The following RSU1 variants were observed in gnomAD, a reference collection of about 807,000 sequenced individuals.
RSU1 encodes Ras suppressor protein 1.
RSU1 carries 26 observed loss-of-function variants against 31.1 expected under a neutral mutation model. That is an observed-to-expected ratio of 0.84 (90% CI 0.61 to 1.16). The LOEUF (loss-of-function observed/expected upper bound fraction) is 1.16, where lower values mean the gene tolerates loss of function less well. Ranked by LOEUF, RSU1 falls within the 50% of genes most tolerant of loss-of-function variation. The pLI, the probability that RSU1 is intolerant of heterozygous loss-of-function variation, is 0.00. For synonymous variants in RSU1, 164 were observed against 136.3 expected (o/e 1.20, Z -1.41); for missense variants, 320 against 339.1 (o/e 0.94, Z 0.44).
chr10:16,723,261 A>C (rs75382913), intron 7 of RSU1: 1 of 152,154 alleles, frequency 6.6e-6, no homozygotes, highest in Admixed American at 6.6e-5. Flanking sequence ...CTTTAATTAT[A>C]TAAGATCCAA....
intron 8 of RSU1, among the ~76,000 whole-genome samples, chr10:16,636,991 CA>C (rs1189171153): frequency 6.6e-6 from 1 of 152,120 alleles, no homozygotes; most frequent in African/African-American, 2.4e-5. Flanking sequence ...AAGAAACAGG[CA>C]CTATAAATAT....
intron 8 of RSU1, among the ~76,000 whole-genome samples, chr10:16,642,434 G>GGAA (rs1217479118): frequency 1.3e-5 from 2 of 152,216 alleles, no homozygotes; most frequent in African/African-American, 2.4e-5. Flanking sequence ...ACCAGTGATA[G>GGAA]ATTTTTGAGT....
chr10:16,698,189 C>T (rs369308983), intron 7 of RSU1, among the ~76,000 whole-genome samples: 12 of 151,798 alleles, frequency 7.9e-5, no homozygotes, highest in African/African-American at 2.9e-4. Context: ...CAAATTTTCC[C>T]TGGGAAGACT....
chr10:16,764,940 A>G (rs146917008), intron 3 of RSU1, among the ~76,000 whole-genome samples: 1 of 152,118 alleles, frequency 6.6e-6, no homozygotes, highest in Non-Finnish European at 1.5e-5. Flanking sequence ...GCTTCTTCGT[A>G]TATGATTAGC....
At chr10:16,817,187 C>T in intron 1 of RSU1, 103 bp from the exon 2 acceptor site, 1 of 720,470 alleles carries the variant, frequency 1.4e-6, no homozygotes, top group Non-Finnish European at 2.3e-6. Context: ...AGGGTTGGAG[C>T]GGGTGGGCGT....
chr10:16,602,232 C>A (rs569051807), intron 8 of RSU1, among the ~76,000 whole-genome samples: 24 of 152,298 alleles, frequency 1.6e-4, no homozygotes, highest in Admixed American at 3.9e-4. Flanking sequence ...TCACTAAGTC[C>A]TTGATGATAC....
chr10:16,643,488 G>C (rs1738171765), intron 8 of RSU1, among the ~76,000 whole-genome samples: 1 of 152,118 alleles, frequency 6.6e-6, no homozygotes, highest in Admixed American at 6.5e-5. Flanking sequence ...AATTAGGTTA[G>C]AAACAAGTAT....
intron 8 of RSU1, among the ~76,000 whole-genome samples, chr10:16,604,324 A>G (rs1039385133): frequency 1.3e-5 from 2 of 152,224 alleles, no homozygotes; most frequent in Non-Finnish European, 2.9e-5. Context: ...CAGGGATATC[A>G]GCAAAGCTGG....
At chr10:16,757,270 G>T (rs1837115032) in intron 4 of RSU1, among the ~76,000 whole-genome samples, 1 of 151,890 alleles carries the variant, frequency 6.6e-6, no homozygotes, top group Non-Finnish European at 1.5e-5. Context: ...AATAAAAGTT[G>T]ACAGATACTG....
chr10:16,692,484 A>T (rs1307784296), intron 8 of RSU1, among the ~76,000 whole-genome samples: 1 of 152,188 alleles, frequency 6.6e-6, no homozygotes, highest in Non-Finnish European at 1.5e-5. Flanking sequence ...CCAGATGGCT[A>T]GGAGTTTGTT....
chr10:16,717,099 A>G (rs1284408281), intron 7 of RSU1, among the ~76,000 whole-genome samples: 1 of 152,184 alleles, frequency 6.6e-6, no homozygotes, highest in African/African-American at 2.4e-5. Context: ...CTTGAATCCA[A>G]TTTTATTAAA....
chr10:16,679,869 G>T (rs12779803), intron 8 of RSU1, among the ~76,000 whole-genome samples: 11 of 124,642 alleles, frequency 8.8e-5, no homozygotes, highest in South Asian at 5.7e-4. Context: ...AAAGACTCAA[G>T]TTTTTTTTTT....
intron 8 of RSU1, among the ~76,000 whole-genome samples, chr10:16,647,974 G>C (rs1834602445): frequency 6.6e-6 from 1 of 151,978 alleles, no homozygotes; most frequent in South Asian, 2.1e-4. Flanking sequence ...TTTGAGACAA[G>C]GTTTTGCTCT....
At chr10:16,661,152 A>C (rs79950641) in intron 8 of RSU1, among the ~76,000 whole-genome samples, 257 of 152,034 alleles carry the variant, frequency 1.7e-3, no homozygotes, top group African/African-American at 6.0e-3. Flanking sequence ...CTGCACCCCA[A>C]TGTTATAAGG....
At position 16,788,478 on chromosome 10, in the gene RSU1, C is replaced by A. The variant is rs375092496; in HGVS notation, c.110-6394G>T. ...ATGTGAGACACGATCTCTTTCTCCACTGGGTGAGGATACAAGAAGGTGGCC... is the reference window on the plus strand; with the variant it reads ...ATGTGAGACACGATCTCTTTCTCCAATGGGTGAGGATACAAGAAGGTGGCC... On this transcript the variant is annotated intron_variant, in intron 2 of 8. Transcript: ENST00000345264. Among the ~76,000 whole-genome samples, 26 of 152,304 alleles carry A rather than the reference C, an allele frequency of 1.7e-4. No individual in the cohort carries two copies. The East Asian group carries it at 4.1e-3, about 24-fold the overall frequency.
chr10:16,707,619 C>T (rs1024782406), intron 7 of RSU1, among the ~76,000 whole-genome samples: 1 of 150,898 alleles, frequency 6.6e-6, no homozygotes, highest in Non-Finnish European at 1.5e-5. Context: ...GAATATTAAC[C>T]TCTTGCCAGA....
intron 7 of RSU1, among the ~76,000 whole-genome samples, chr10:16,747,289 G>GC (rs1836874989): frequency 6.6e-6 from 1 of 152,148 alleles, no homozygotes; most frequent in Admixed American, 6.5e-5. Context: ...TGCTGATAAT[G>GC]CCCCAAACTA....
chr10:16,786,728 T>C (rs1200163760), intron 2 of RSU1, among the ~76,000 whole-genome samples: 2 of 152,200 alleles, frequency 1.3e-5, no homozygotes, highest in East Asian at 3.9e-4. Flanking sequence ...TTCCCGTATT[T>C]GTAATTCTCT....
intron 8 of RSU1, among the ~76,000 whole-genome samples, chr10:16,628,947 T>C (rs1834202985): frequency 6.6e-6 from 1 of 152,168 alleles, no homozygotes; most frequent in South Asian, 2.1e-4. Context: ...CTTTTACAGC[T>C]TTGCTTGTGT....
Sources: gnomAD v4.1 joint callset for allele counts (sites outside exome capture counted in the v4.1 genomes callset) on GRCh38, gnomAD v4.1.1 for gene constraint, MANE v1.5 for transcripts, NCBI Gene and HGNC (gene_info 2026-07-23, HGNC 2026-07-21) for gene names.